Variants in SDR42E1 observed in about 807,000 individuals in gnomAD.
The protein encoded by SDR42E1 is short chain dehydrogenase/reductase family 42E, member 1.
SDR42E1 carries 5 observed loss-of-function variants against 2.6 expected under a neutral mutation model. The ratio of observed to expected loss-of-function variants is 1.94; its 90% CI spans 1.01 to 4.08. The LOEUF (loss-of-function observed/expected upper bound fraction) is 4.08, where lower values mean the gene tolerates loss of function less well. Among genes scored for constraint, SDR42E1 ranks in the 30% most tolerant of loss-of-function variants. The probability of loss-of-function intolerance (pLI) is 0.00; values close to 1 mark genes in which losing one functional copy is unlikely to be tolerated. For missense variants in SDR42E1, 596 were observed against 478.6 expected (o/e 1.25, Z -2.29); for synonymous variants, 231 against 188.3 (o/e 1.23, Z -1.86).
At chr16:82,009,186 A>G (rs1005974085) in intron 1 of SDR42E1, among the ~76,000 whole-genome samples, 1 of 152,260 alleles carries the variant, frequency 6.6e-6, no homozygotes, top group Non-Finnish European at 1.5e-5. Flanking sequence ...CTCATGGAGA[A>G]CCACTGCTAG....
chr16:82,007,367 T>C (rs533464258), intron 1 of SDR42E1, among the ~76,000 whole-genome samples: 1 of 152,334 alleles, frequency 6.6e-6, no homozygotes, highest in Non-Finnish European at 1.5e-5. Context: ...CTGCCACTTA[T>C]TAAGCACTTA....
In SDR42E1 at chr16:81,996,583, G is replaced by C. The variant is rs1912546667; in HGVS notation, c.*2528C>G. 2.0e-5 allele frequency: 3 copies of C among 152,114 alleles called. No individual in the cohort carries two copies. Among genetic ancestry groups the C allele is most frequent in the African/African-American group, 7.2e-5 (3 of 41,396 alleles). 9.4% of individuals were successfully genotyped at this position (152,114 alleles called of 1,614,324 possible). A position where few individuals can be genotyped will look rare whatever the true frequency, so the allele number is the denominator to read the frequency against. ...TGGAGTTGCAGAAGTACTTAGATAT[G>C]AGTCTGGAGCCCAGGAGTGGTCTGG... On this transcript the variant is annotated 3_prime_UTR_variant, in exon 3 of 3. Coordinates refer to ENST00000328945, the MANE Select transcript of SDR42E1 (RefSeq NM_145168.3).
rs372943067 is a variant in SDR42E1, at chr16:82,004,730, C to T, written c.-26-3846G>A. Among the ~76,000 whole-genome samples, 91 of 152,280 alleles carry T rather than the reference C, an allele frequency of 6.0e-4. 1 individual carries two copies. Among genetic ancestry groups the T allele is most frequent in the African/African-American group, 2.1e-3 (86 of 41,562 alleles). On this transcript the variant is annotated intron_variant, in intron 1 of 2. Coordinates refer to ENST00000328945, the MANE Select transcript of SDR42E1 (RefSeq NM_145168.3). ...GTTTACAGCAATGAACCGTTGGGGCCACCTTGGTACTTGTGAAAGAGAAGG... is the reference window on the plus strand; with the variant it reads ...GTTTACAGCAATGAACCGTTGGGGCTACCTTGGTACTTGTGAAAGAGAAGG...
rs1261282355 is a variant in SDR42E1 at position 82,000,151 on chromosome 16, G to T, written c.142C>A (p.Pro48Thr). The change falls in exon 3 of 3, where the codon CCA becomes ACA. Residue 48 changes from proline to threonine, a missense_variant. By Grantham distance (38) the Pro-to-Thr change is conservative. Coordinates refer to ENST00000328945, the MANE Select transcript of SDR42E1 (RefSeq NM_145168.3). ...FDISSPAQTI[P>T]EGIKFIQGDI... ...CCTTGTATAAACTTGATTCCTTCTG[G>T]AATGGTTTGAGCAGGGCTGCTGATG... 10 of 1,614,080 alleles carry T rather than the reference G, an allele frequency of 6.2e-6. No homozygotes were observed. Among genetic ancestry groups the T allele is most frequent in the Non-Finnish European group, 8.5e-6 (10 of 1,180,006 alleles).
chr16:82,004,911 G>A (rs1044085894), intron 1 of SDR42E1, among the ~76,000 whole-genome samples: 1 of 152,208 alleles, frequency 6.6e-6, no homozygotes, highest in African/African-American at 2.4e-5. Context: ...GCTGCACCCA[G>A]GTGATGTTTT....
rs115884217 is a variant in SDR42E1 at position 81,989,438 on chromosome 16, A to G, written c.*9673T>C. On this transcript the variant is annotated 3_prime_UTR_variant, in exon 3 of 3. Transcript: ENST00000328945. ...AATATTTTAACATTATATAAGAAAA[A>G]TACATCTATGCATTATTTGTATAGT... The G allele has an allele frequency of 6.1e-3, 928 of 152,348 alleles. 14 individuals are homozygous for G. The highest frequency in any genetic ancestry group is 0.021 in the African/African-American group (887 of 41,584). The allele number at this position is 152,348 out of a possible 1,614,324, so 9.4% of individuals were successfully genotyped here.
At chr16:82,006,419 G>A (rs1184671256) in intron 1 of SDR42E1, among the ~76,000 whole-genome samples, 1 of 152,182 alleles carries the variant, frequency 6.6e-6, no homozygotes, top group Non-Finnish European at 1.5e-5. Context: ...ATACAAGGAA[G>A]TCAAAACAAT....
intron 1 of SDR42E1, among the ~76,000 whole-genome samples, chr16:82,008,921 C>T (rs1043632099): frequency 1.3e-5 from 2 of 152,164 alleles, no homozygotes; most frequent in Non-Finnish European, 2.9e-5. Context: ...GTCCAGGGTC[C>T]CCCTGCTCTA....
Position 81,993,124 on chromosome 16 carries a change from TG to T in SDR42E1, c.*5986del. The T allele has an allele frequency of 6.6e-6, 1 of 152,350 alleles. No individual in the cohort carries two copies. The highest frequency in any genetic ancestry group is 2.4e-5 in the African/African-American group (1 of 41,558). 9.4% of individuals were successfully genotyped at this position (152,350 alleles called of 1,614,324 possible). A position where few individuals can be genotyped will look rare whatever the true frequency, so the allele number is the denominator to read the frequency against. ...ACTGGGCCCTGCATAAAGGAGCAGGTGGGGGGTCACTCGAATCCAAGGCCCT... is the reference window on the plus strand; with the variant it reads ...ACTGGGCCCTGCATAAAGGAGCAGGTGGGGGTCACTCGAATCCAAGGCCCT... On this transcript the variant is annotated 3_prime_UTR_variant, in exon 3 of 3. Coordinates refer to ENST00000328945, the MANE Select transcript of SDR42E1 (RefSeq NM_145168.3).
Position 81,993,433 on chromosome 16 carries a change from G to T in SDR42E1, c.*5678C>A, listed in dbSNP as rs1323887610. ...GGTAAAATAGATGTAAGGAGTTCCT[G>T]AAATCATTGGTTCTGATCATTCCCC... On this transcript the variant is annotated 3_prime_UTR_variant, in exon 3 of 3. Coordinates refer to ENST00000328945, the MANE Select transcript of SDR42E1 (RefSeq NM_145168.3). 6.6e-6 allele frequency: 1 copy of T among 152,198 alleles called. No individual in the cohort carries two copies. Among genetic ancestry groups the T allele is most frequent in the South Asian group, 2.1e-4 (1 of 4,830 alleles). 9.4% of individuals were successfully genotyped at this position (152,198 alleles called of 1,614,324 possible).
intron 1 of SDR42E1, among the ~76,000 whole-genome samples, chr16:82,010,688 A>G (rs566756561): frequency 6.6e-6 from 1 of 152,292 alleles, no homozygotes; most frequent in South Asian, 2.1e-4. Flanking sequence ...TTCCAGACCG[A>G]AAAACATGTT....
At chr16:82,003,324 A>G (rs1266653313) in intron 1 of SDR42E1, among the ~76,000 whole-genome samples, 1 of 152,222 alleles carries the variant, frequency 6.6e-6, no homozygotes, top group African/African-American at 2.4e-5. Context: ...GAACACTCCC[A>G]TTTGGATTTA....
At chr16:82,009,099 A>T (rs1043579888) in intron 1 of SDR42E1, among the ~76,000 whole-genome samples, 1 of 152,162 alleles carries the variant, frequency 6.6e-6, no homozygotes, top group Non-Finnish European at 1.5e-5. Context: ...TGAGGTTTGG[A>T]AACCTCTCCC....
chr16:82,001,095 C>T (rs1049289973), intron 1 of SDR42E1, among the ~76,000 whole-genome samples: 3 of 152,194 alleles, frequency 2.0e-5, no homozygotes, highest in African/African-American at 7.2e-5. Flanking sequence ...GTAATACCTG[C>T]TCTGCCCACC....
chr16:82,006,608 C>A (rs1331814409), intron 1 of SDR42E1, among the ~76,000 whole-genome samples: 3 of 152,122 alleles, frequency 2.0e-5, no homozygotes, highest in East Asian at 1.9e-4. Flanking sequence ...GCTGGGCCAA[C>A]ATGGTGAAAC....
chr16:82,001,603 C>T (rs1350423490), intron 1 of SDR42E1, among the ~76,000 whole-genome samples: 1 of 152,020 alleles, frequency 6.6e-6, no homozygotes, highest in Admixed American at 6.6e-5. Context: ...CCAACTCCTT[C>T]CATGTGGGAG....
chr16:81,990,229 G>A lies in SDR42E1; in HGVS notation c.*8882C>T, dbSNP rs551959296. On this transcript the variant is annotated 3_prime_UTR_variant, in exon 3 of 3. Coordinates refer to ENST00000328945, the MANE Select transcript of SDR42E1 (RefSeq NM_145168.3). Reference sequence around the variant, plus strand: ...TTAGGAGGATCACCTGAGCCCAGGAGGGCACTGCAGCAGTGAGCTGTGTCC... The same window carrying A: ...TTAGGAGGATCACCTGAGCCCAGGAAGGCACTGCAGCAGTGAGCTGTGTCC... 6.6e-6 allele frequency: 1 copy of A among 152,404 alleles called. No individual in the cohort carries two copies. Among genetic ancestry groups the A allele is most frequent in the African/African-American group, 2.4e-5 (1 of 41,576 alleles). The allele number at this position is 152,404 out of a possible 1,614,324, so 9.4% of individuals were successfully genotyped here. A position where few individuals can be genotyped will look rare whatever the true frequency, so the allele number is the denominator to read the frequency against.
rs1912732568 is a variant in SDR42E1 at position 82,000,827 on chromosome 16, A to G, written c.32T>C (p.Val11Ala). The G allele has an allele frequency of 6.2e-7, 1 of 1,613,826 alleles. No homozygotes were observed. Among genetic ancestry groups the G allele is most frequent in the African/African-American group, 1.3e-5 (1 of 74,912 alleles). Residue 11 changes from valine to alanine, a missense_variant, in exon 2 of 3, where the codon GTC becomes GCC. Val to Ala is a moderately conservative substitution (Grantham distance 64). Transcript: ENST00000328945. MDPKRSQKESVLITGGSGYFG... is the reference protein window; with the variant it reads MDPKRSQKESALITGGSGYFG... ...ATAGCCACTTCCTCCTGTAATGAGG[A>G]CACTTTCCTTTTGAGATCTTTTGGG...
Position 82,000,836 on chromosome 16 carries a change from T to C in SDR42E1, c.23A>G (p.Lys8Arg), listed in dbSNP as rs1240151505. 4 of 1,613,748 alleles carry C rather than the reference T, an allele frequency of 2.5e-6. No homozygotes were observed. The highest frequency in any genetic ancestry group is 2.5e-6 in the Non-Finnish European group (3 of 1,179,928). The change falls in exon 2 of 3, where the codon AAG becomes AGG. Residue 8 changes from lysine to arginine, a missense_variant. Coordinates refer to ENST00000328945, the MANE Select transcript of SDR42E1 (RefSeq NM_145168.3). ...TCCTCCTGTAATGAGGACACTTTCCTTTTGAGATCTTTTGGGGTCCATATG... is the reference window on the plus strand; with the variant it reads ...TCCTCCTGTAATGAGGACACTTTCCCTTTGAGATCTTTTGGGGTCCATATG... MDPKRSQ[K>R]ESVLITGGSG... is the part of the protein sequence containing the mutation.
Sources: gnomAD v4.1 joint callset for allele counts (sites outside exome capture counted in the v4.1 genomes callset) on GRCh38, gnomAD v4.1.1 for gene constraint, MANE v1.5 for transcripts, NCBI Gene and HGNC (gene_info 2026-07-23, HGNC 2026-07-21) for gene names.